NBAS: variants seen among roughly 807,000 people sequenced by gnomAD.
NBAS encodes NBAS subunit of NRZ tethering complex.
Under a neutral mutation model 302.5 loss-of-function variants are expected in NBAS, and 219 were observed. The ratio of observed to expected loss-of-function variants is 0.72; its 90% CI spans 0.65 to 0.81. The LOEUF (loss-of-function observed/expected upper bound fraction) is 0.81. Among genes scored for constraint, NBAS ranks in the 30% least tolerant of loss-of-function variants. NBAS has a pLI of 0.00. For missense variants in NBAS, 2,932 were observed against 2,841.6 expected (o/e 1.03, Z -0.72); for synonymous variants, 1,118 against 1,021.6 (o/e 1.09, Z -1.80).
the NBAS span, among the ~76,000 whole-genome samples, chr2:15,098,861 AAC>A: frequency 3.3e-5 from 5 of 151,208 alleles, no homozygotes; most frequent in African/African-American, 9.7e-5. Flanking sequence ...CGTATAAAAA[AAC>A]AGAGTTAAAT....
At chr2:15,441,823 A>C (rs964719460) in intron 21 of NBAS, among the ~76,000 whole-genome samples, 14 of 152,028 alleles carry the variant, frequency 9.2e-5, no homozygotes, top group African/African-American at 2.9e-4. Context: ...TCTACCAAGC[A>C]AATGGAAAAC....
chr2:15,308,803 A>T (rs1401608697), intron 39 of NBAS, among the ~76,000 whole-genome samples: 1 of 152,162 alleles, frequency 6.6e-6, no homozygotes. Flanking sequence ...GGTTTGTCAT[A>T]GATAGCTCTT....
At chr2:15,008,290 A>G in the NBAS span, among the ~76,000 whole-genome samples, 1 of 152,236 alleles carries the variant, frequency 6.6e-6, no homozygotes, top group African/African-American at 2.4e-5. Context: ...TCCAGAGCAC[A>G]GAGTACACCA....
At position 15,535,517 on chromosome 2, in the gene NBAS, G is replaced by A. The variant is rs186346397; in HGVS notation, c.648-876C>T. 6.4e-3 allele frequency among the ~76,000 whole-genome samples: 750 copies of A among 117,742 alleles called. 7 individuals are homozygous for A. Among genetic ancestry groups the A allele is most frequent in the African/African-American group, 0.035 (717 of 20,310 alleles). 77.2% of individuals were successfully genotyped at this position (117,742 alleles called of 152,430 possible). A position where few individuals can be genotyped will look rare whatever the true frequency, so the allele number is the denominator to read the frequency against. On this transcript the variant is annotated intron_variant, in intron 8 of 51. Coordinates refer to ENST00000281513, the MANE Select transcript of NBAS (RefSeq NM_015909.4). ...AGCCTGGGCGACAGAGCAAGACTCC[G>A]TCTCAGAAATAAATAAATAAATAAA...
At chr2:15,133,761 T>C in the NBAS span, among the ~76,000 whole-genome samples, 2 of 152,126 alleles carry the variant, frequency 1.3e-5, no homozygotes, top group Non-Finnish European at 2.9e-5. Context: ...GTATTTTTAA[T>C]TACATGTGGA....
the NBAS span, among the ~76,000 whole-genome samples, chr2:14,897,913 C>T: frequency 6.6e-6 from 1 of 152,168 alleles, no homozygotes; most frequent in African/African-American, 2.4e-5. Flanking sequence ...TATTTGCCCT[C>T]ATAGCACATC....
chr2:14,846,614 C>A, the NBAS span, among the ~76,000 whole-genome samples: 1 of 151,754 alleles, frequency 6.6e-6, no homozygotes, highest in South Asian at 2.1e-4. Flanking sequence ...ATAATAACTA[C>A]AAATTTTCAG....
chr2:15,450,676 A>G (rs1246771111), intron 21 of NBAS, among the ~76,000 whole-genome samples: 2 of 152,214 alleles, frequency 1.3e-5, no homozygotes, highest in Non-Finnish European at 2.9e-5. Context: ...TTCCCTAAAC[A>G]TTTCTGAAAT....
At chr2:15,102,874 T>C in the NBAS span, among the ~76,000 whole-genome samples, 1 of 152,080 alleles carries the variant, frequency 6.6e-6, no homozygotes, top group Non-Finnish European at 1.5e-5. Context: ...TGTGCAGTCC[T>C]TTTATCTACC....
the NBAS span, among the ~76,000 whole-genome samples, chr2:14,968,098 CAA>C: frequency 1.2e-3 from 178 of 152,296 alleles, 1 homozygote; most frequent in African/African-American, 4.0e-3. Context: ...CTGCTCTCTG[CAA>C]AAAGCCTGAT....
chr2:15,497,078 A>G (rs138644863), intron 11 of NBAS, among the ~76,000 whole-genome samples: 1 of 152,206 alleles, frequency 6.6e-6, no homozygotes, highest in African/African-American at 2.4e-5. Flanking sequence ...AGAACATGGC[A>G]CCCTTGATGA....
the NBAS span, among the ~76,000 whole-genome samples, chr2:15,034,932 T>C: frequency 6.6e-6 from 1 of 152,092 alleles, no homozygotes; most frequent in South Asian, 2.1e-4. Flanking sequence ...AGAGGGTTGT[T>C]AGCAAAAATG....
At chr2:14,887,075 T>G in the NBAS span, among the ~76,000 whole-genome samples, 19 of 152,198 alleles carry the variant, frequency 1.2e-4, no homozygotes, top group African/African-American at 2.7e-4. Flanking sequence ...CCCCATAAAC[T>G]TGCATAATTC....
chr2:14,915,730 T>C, the NBAS span, among the ~76,000 whole-genome samples: 14 of 152,222 alleles, frequency 9.2e-5, no homozygotes, highest in African/African-American at 3.4e-4. Context: ...ACCCAGCTTA[T>C]TTTGTATTTT....
chr2:15,516,521 A>C (rs1348215853), intron 9 of NBAS, among the ~76,000 whole-genome samples: 2 of 152,084 alleles, frequency 1.3e-5, no homozygotes, highest in Non-Finnish European at 1.5e-5. Flanking sequence ...TCAAGAGTTC[A>C]AGACCACCCT....
the NBAS span, among the ~76,000 whole-genome samples, chr2:14,991,142 G>A: frequency 6.6e-6 from 1 of 152,148 alleles, no homozygotes; most frequent in Non-Finnish European, 1.5e-5. Flanking sequence ...ATGGGAGAAC[G>A]TGGGGACATA....
In NBAS at chr2:15,167,006, C is replaced by G. The variant is rs201384511; in HGVS notation, c.*42G>C. ...TTGCTTCTGGGAACAGCATTCAACT[C>G]CAGATGCTTTTTCTGCTAAGGAGCA... is the stretch of plus-strand genomic sequence containing the variant. On this transcript the variant is annotated 3_prime_UTR_variant, in exon 52 of 52. Coordinates refer to ENST00000281513, the MANE Select transcript of NBAS (RefSeq NM_015909.4). 1.5e-3 allele frequency: 2,260 copies of G among 1,508,796 alleles called. 9 individuals are homozygous for G. The highest frequency in any genetic ancestry group is 7.3e-3 in the South Asian group (534 of 73,182). 93.5% of individuals were successfully genotyped at this position (1,508,796 alleles called of 1,614,324 possible).
chr2:15,256,261 T>A (rs1668588065), intron 44 of NBAS, among the ~76,000 whole-genome samples: 1 of 152,164 alleles, frequency 6.6e-6, no homozygotes, highest in South Asian at 2.1e-4. Flanking sequence ...CAAGTAGAGA[T>A]CATTCACCTC....
Position 15,366,660 on chromosome 2 carries a change from T to G in NBAS, c.3737A>C (p.Lys1246Thr). The G allele has an allele frequency of 1.2e-6, 2 of 1,614,064 alleles. No individual in the cohort carries two copies. The highest frequency in any genetic ancestry group is 1.7e-6 in the Non-Finnish European group (2 of 1,179,964). The change falls in exon 32 of 52, where the codon AAG (lysine) becomes ACG (threonine). Residue 1246 changes from lysine (K) to threonine (T), a missense_variant. Coordinates refer to ENST00000281513, the MANE Select transcript of NBAS (RefSeq NM_015909.4). ...RLCPDRISLI[K>T]ECISQSPTCY... is the part of the protein sequence containing the mutation. ...TGTGGGGGACTGGGAAATACACTCC[T>G]TGATGAGACTGATCCGATCAGGGCA...
Sources: gnomAD v4.1 joint callset for allele counts (sites outside exome capture counted in the v4.1 genomes callset) on GRCh38, gnomAD v4.1.1 for gene constraint, MANE v1.5 for transcripts, NCBI Gene and HGNC (gene_info 2026-07-23, HGNC 2026-07-21) for gene names.